The following ATP13A2 variants were observed in gnomAD, a reference collection of about 807,000 sequenced individuals.
The protein encoded by ATP13A2 is polyamine-transporting ATPase 13A2.
Under a neutral mutation model 138.3 loss-of-function variants are expected in ATP13A2, and 83 were observed. That is an observed-to-expected ratio of 0.60 (90% CI 0.50 to 0.72). The LOEUF (loss-of-function observed/expected upper bound fraction) is 0.72. Ranked by LOEUF, ATP13A2 falls within the 30% of genes least tolerant of loss-of-function variation. The pLI, the probability that ATP13A2 is intolerant of heterozygous loss-of-function variation, is 0.00. For missense variants in ATP13A2, 1,402 were observed against 1,606.4 expected (o/e 0.87, Z 2.17); for synonymous variants, 663 against 699.0 (o/e 0.95, Z 0.81).
At chr1:16,990,337 TC>T in intron 20 of ATP13A2, 50 bp from the exon 21 acceptor site, 1 of 1,609,036 alleles carries the variant, frequency 6.2e-7, no homozygotes, top group Non-Finnish European at 8.5e-7. Context: ...GGGGAGGCCA[TC>T]CTCATCCTGA....
chr1:17,004,545 T>C lies in ATP13A2; in HGVS notation c.478-134A>G. 1 of 1,554,608 alleles carries C rather than the reference T, an allele frequency of 6.4e-7. No homozygotes were observed. The highest frequency in any genetic ancestry group is 8.8e-7 in the Non-Finnish European group (1 of 1,137,784). On this transcript the variant is annotated intron_variant, in intron 5 of 28. Transcript: ENST00000326735. This position sits in a 1 kb window ranked among gnomAD's most constrained non-coding sequence, Gnocchi z 4.1. ...CCAGACAGAGAGGTGGGGAGAGGCC[T>C]GAAAGTGTAAACGTGCTCAGACAGC...
intron 16 of ATP13A2, among the ~76,000 whole-genome samples, chr1:16,993,101 C>T (rs555830065): frequency 1.3e-5 from 2 of 152,164 alleles, no homozygotes; most frequent in South Asian, 2.1e-4. Context: ...ATTTTTATTA[C>T]AGACGGGGTT....
chr1:16,986,012 C>G lies in ATP13A2; in HGVS notation c.*209G>C. ...ACACTGACAGCAGCACTGAGGGGAG[C>G]TGGGGGCTGCCACCCCTACGCGGGA... On this transcript the variant is annotated 3_prime_UTR_variant, in exon 29 of 29. Coordinates refer to ENST00000326735, the MANE Select transcript of ATP13A2 (RefSeq NM_022089.4). The surrounding 1 kb of genome is among the most constrained non-coding windows in gnomAD (Gnocchi z 6.9). 1 of 1,457,958 alleles carries G rather than the reference C, an allele frequency of 6.9e-7. No homozygotes were observed. 90.3% of individuals were successfully genotyped at this position (1,457,958 alleles called of 1,614,324 possible). A position where few individuals can be genotyped will look rare whatever the true frequency, so the allele number is the denominator to read the frequency against.
chr1:17,000,742 G>C, intron 8 of ATP13A2: 1 of 642,850 alleles, frequency 1.6e-6, no homozygotes, highest in Non-Finnish European at 2.6e-6. Flanking sequence ...AAGGGTTTAT[G>C]ACCAGCCTGG....
chr1:17,003,585 C>CCACACA (rs540533484), intron 6 of ATP13A2, among the ~76,000 whole-genome samples: 19,712 of 132,848 alleles, frequency 0.15, 1,717 homozygotes, highest in East Asian at 0.3. Flanking sequence ...ACCAAAAAAA[C>CCACACA]CACACACACA....
chr1:16,988,005 C>T, intron 25 of ATP13A2, 133 bp downstream of exon 25: 1 of 869,108 alleles, frequency 1.2e-6, no homozygotes, highest in Non-Finnish European at 1.9e-6. Context: ...TCCAACCACA[C>T]AGCCGGAGAG....
chr1:16,993,499 C>A, intron 16 of ATP13A2, 130 bp downstream of exon 16: 1 of 960,326 alleles, frequency 1.0e-6, no homozygotes, highest in East Asian at 2.7e-5. Flanking sequence ...TGAGCCACTG[C>A]GCCTGGCCTA....
At chr1:16,996,542 G>A (rs774972731) in intron 12 of ATP13A2, 46 bp from the exon 13 acceptor site, 12 of 1,516,282 alleles carry the variant, frequency 7.9e-6, no homozygotes, top group Non-Finnish European at 9.2e-6. Context: ...CAGGGTGAGG[G>A]CAGGCCTTCC....
In ATP13A2 at chr1:16,997,150, C is replaced by T. The variant is rs750819290; in HGVS notation, c.1065G>A (p.Thr355=). 10 of 1,613,536 alleles carry T rather than the reference C, an allele frequency of 6.2e-6. No individual in the cohort carries two copies. Among genetic ancestry groups the T allele is most frequent in the East Asian group, 4.5e-5 (2 of 44,902 alleles). Residue 355 remains threonine (T), a synonymous_variant, in exon 12 of 29, where the codon ACG becomes ACA. Coordinates refer to ENST00000326735, the MANE Select transcript of ATP13A2 (RefSeq NM_022089.4). ...LTGESIPVLK[T]ALPEGLGPYC... ...AGGGCCCCAGCCCCTCCGGCAGTGC[C>T]GTCTTCAGCACTGGAATGCTCTCTC... is the stretch of plus-strand genomic sequence containing the variant.
At chr1:16,993,595 A>T (rs1271178475) in intron 16 of ATP13A2, 34 bp downstream of exon 16, 1 of 1,551,562 alleles carries the variant, frequency 6.4e-7, no homozygotes, top group African/African-American at 1.4e-5. Flanking sequence ...CCCACTGCCC[A>T]GAGGCAGGGG....
chr1:16,990,472 G>A (rs76340633), intron 20 of ATP13A2, among the ~76,000 whole-genome samples, 185 bp from the exon 21 acceptor site: 3 of 152,180 alleles, frequency 2.0e-5, no homozygotes, highest in African/African-American at 7.2e-5. Flanking sequence ...GCATTGAAGG[G>A]TCTTAGGAGA....
intron 11 of ATP13A2, among the ~76,000 whole-genome samples, chr1:16,999,676 C>T (rs11583148): frequency 0.96 from 146,167 of 152,208 alleles, 70,227 homozygotes; most frequent in East Asian, 0.99. Context: ...CCGAGGTGGG[C>T]AGATAACCTG....
rs1172699113 is a variant in ATP13A2, at chr1:16,993,642, T to C, written c.1736A>G (p.Glu579Gly). 6.3e-7 allele frequency: 1 copy of C among 1,588,074 alleles called. No homozygotes were observed. The highest frequency in any genetic ancestry group is 1.8e-5 in the Admixed American group (1 of 56,114). ...VGDPMDLKMV[E>G]STGWVLEEEP... is the part of the protein sequence containing the mutation. Reference sequence around the variant, plus strand: ...TGGCCTCCTCACCCAGCCAGTAGACTCCACCATCTTCAAGTCCATGGGGTC... The same window carrying C: ...TGGCCTCCTCACCCAGCCAGTAGACCCCACCATCTTCAAGTCCATGGGGTC... Residue 579 changes from glutamate to glycine, a missense_variant, in exon 16 of 29, where the codon GAG becomes GGG. By Grantham distance (98) the Glu-to-Gly change is moderately conservative. Coordinates refer to ENST00000326735, the MANE Select transcript of ATP13A2 (RefSeq NM_022089.4).
intron 11 of ATP13A2, among the ~76,000 whole-genome samples, chr1:16,997,884 G>A (rs990158489): frequency 1.4e-5 from 2 of 147,912 alleles, no homozygotes; most frequent in Non-Finnish European, 1.5e-5. Context: ...GAAGGGGAGG[G>A]GGAAGGAGGA....
rs545247200 is a variant in ATP13A2, at chr1:17,010,446, T to C, written c.10+1283A>G. Among the ~76,000 whole-genome samples the C allele has an allele frequency of 3.7e-4, 57 of 152,242 alleles. No homozygotes were observed. The South Asian group carries it at 0.012, about 31-fold the overall frequency. On this transcript the variant is annotated intron_variant, in intron 1 of 28. Transcript: ENST00000326735. ...ACCATGCCCTGCGGAAGCCCTTCAG[T>C]GTGCTAACTCAATGAAGCTTCACAC...
chr1:16,989,581 C>T, intron 23 of ATP13A2, 110 bp downstream of exon 23: 1 of 1,084,676 alleles, frequency 9.2e-7, no homozygotes, highest in Non-Finnish European at 1.4e-6. Flanking sequence ...GGTGACAGCT[C>T]TCTGGTGCCT....
Position 17,002,061 on chromosome 1 carries a change from C to A in ATP13A2, c.678G>T (p.Lys226Asn). 1 of 1,613,414 alleles carries A rather than the reference C, an allele frequency of 6.2e-7. No individual in the cohort carries two copies. Among genetic ancestry groups the A allele is most frequent in the Non-Finnish European group, 8.5e-7 (1 of 1,179,706 alleles). ...YGPNVISIPV[K>N]SYPQLLVDEA... Reference sequence around the variant, plus strand: ...CGTCCACCAGCAGCTGGGGGTAGGACTTGACCGGTATGCTGATCACGTTGG... The same window carrying A: ...CGTCCACCAGCAGCTGGGGGTAGGAATTGACCGGTATGCTGATCACGTTGG... The change falls in exon 8 of 29, where the codon AAG becomes AAT. Residue 226 changes from lysine to asparagine, a missense_variant. Physicochemically the swap from Lys to Asn is moderately conservative, Grantham distance 94 (BLOSUM62 0). Transcript: ENST00000326735.
rs755542233 is a variant in ATP13A2 at position 16,988,201 on chromosome 1, G to T, written c.2796C>A (p.Ser932Arg). ...TGTACAGAGCCATGTACTTGAAGAC[G>T]CTGAACGAAGTGTCAAGGGAACAGC... The part of the protein sequence containing the change: ...EGRCSLDTSF[S>R]VFKYMALYSL... The change falls in exon 25 of 29, where the codon AGC becomes AGA. Residue 932 changes from serine (S) to arginine (R), a missense_variant. Ser to Arg is a moderately radical substitution (Grantham distance 110). Coordinates refer to ENST00000326735, the MANE Select transcript of ATP13A2 (RefSeq NM_022089.4). 5 of 1,614,196 alleles carry T rather than the reference G, an allele frequency of 3.1e-6. No homozygotes were observed. The Admixed American group carries it at 8.3e-5, about 27-fold the overall frequency.
rs771015138 is a variant in ATP13A2, at chr1:16,995,083, C to T, written c.1542+893G>A. Reference sequence around the variant, plus strand: ...CTCCACCACTCCCTGTGCTCAGGTACGCAGCACATCTGTGCCACGCCACTC... The same window carrying T: ...CTCCACCACTCCCTGTGCTCAGGTATGCAGCACATCTGTGCCACGCCACTC... On this transcript the variant is annotated intron_variant, in intron 15 of 28. Coordinates refer to ENST00000326735, the MANE Select transcript of ATP13A2 (RefSeq NM_022089.4). The surrounding 1 kb of genome is among the most constrained non-coding windows in gnomAD (Gnocchi z 4.1). Among the ~76,000 whole-genome samples, 13 of 152,192 alleles carry T rather than the reference C, an allele frequency of 8.5e-5. No homozygotes were observed. Among genetic ancestry groups the T allele is most frequent in the Non-Finnish European group, 1.5e-4 (10 of 68,044 alleles).
Sources: gnomAD v4.1 joint callset for allele counts (sites outside exome capture counted in the v4.1 genomes callset) on GRCh38, gnomAD v4.1.1 for gene constraint, Gnocchi (gnomAD v3.1) non-coding constraint, MANE v1.5 for transcripts, NCBI Gene and HGNC (gene_info 2026-07-23, HGNC 2026-07-21) for gene names.